Variants in SLC4A11 observed in about 807,000 individuals in gnomAD.
The protein encoded by SLC4A11 is bicarbonate transporter related protein 1.
In SLC4A11, 74 loss-of-function variants were observed where a neutral mutation model predicts 95.0. The observed-to-expected ratio is 0.78, with a 90% CI of 0.65 to 0.95. SLC4A11 has a LOEUF of 0.95. SLC4A11 is among the 40% of genes least tolerant of loss of function. SLC4A11 has a pLI of 0.00. For missense variants in SLC4A11, 1,081 were observed against 1,192.4 expected (o/e 0.91, Z 1.38); for synonymous variants, 548 against 519.0 (o/e 1.06, Z -0.76).
chr20:3,232,700 G>A (rs2067821086), intron 7 of SLC4A11, among the ~76,000 whole-genome samples: 1 of 152,186 alleles, frequency 6.6e-6, no homozygotes, highest in African/African-American at 2.4e-5. Flanking sequence ...GTGACAGAGT[G>A]AGACTCTGTC....
upstream of SLC4A11, chr20:3,239,267 A>C: frequency 3.3e-6 from 4 of 1,198,820 alleles, no homozygotes; most frequent in Non-Finnish European, 2.1e-6. Context: ...CTGGGTCCTA[A>C]TGCCGCTCAG....
Position 3,239,011 on chromosome 20 carries a change from G to A in SLC4A11, c.43+84C>T, listed in dbSNP as rs983986969. 9 of 1,419,202 alleles carry A rather than the reference G, an allele frequency of 6.3e-6. No individual in the cohort carries two copies. In the African/African-American group the frequency reaches 1.0e-4, roughly 17 times the overall value. The allele number at this position is 1,419,202 out of a possible 1,614,324, so 87.9% of individuals were successfully genotyped here. A position where few individuals can be genotyped will look rare whatever the true frequency, so the allele number is the denominator to read the frequency against. ...CGGCCCGCGCAGGCAGACGGCATCC[G>A]CGTTCTCCCCGGGGTCCCCGACGGG... On this transcript the variant is annotated intron_variant, in intron 1 of 19. Coordinates refer to ENST00000642402, the MANE Select transcript of SLC4A11 (RefSeq NM_001174089.2).
intron 2 of SLC4A11, among the ~76,000 whole-genome samples, chr20:3,237,163 G>A (rs2068007490): frequency 6.6e-6 from 1 of 152,216 alleles, no homozygotes; most frequent in Non-Finnish European, 1.5e-5. Context: ...CTGCAGCACA[G>A]AGGCCTTATA....
intron 7 of SLC4A11, among the ~76,000 whole-genome samples, chr20:3,232,437 C>T (rs566818635): frequency 5.3e-5 from 8 of 152,374 alleles, no homozygotes; most frequent in East Asian, 1.9e-4. Flanking sequence ...TGGTGGCTCA[C>T]GCCCATAATA....
intron 19 of SLC4A11, 41 bp from the exon 20 acceptor site, chr20:3,227,897 G>A (rs756054005): frequency 1.9e-6 from 3 of 1,597,396 alleles, no homozygotes; most frequent in African/African-American, 2.7e-5. Flanking sequence ...CTGGGTCAGA[G>A]AGAAGGCAGT....
chr20:3,229,308 AGC>A, intron 15 of SLC4A11, 36 bp downstream of exon 15: 1 of 1,612,756 alleles, frequency 6.2e-7, no homozygotes. Context: ...GCGCCTGGGG[AGC>A]TACCCCACGT....
chr20:3,233,316 G>A (rs1036221633), intron 7 of SLC4A11, among the ~76,000 whole-genome samples, 198 bp downstream of exon 7: 3 of 152,160 alleles, frequency 2.0e-5, no homozygotes, highest in African/African-American at 4.8e-5. Flanking sequence ...AAGGAAATAC[G>A]AACTTTTCGG....
Position 3,234,994 on chromosome 20 carries a change from C to T in SLC4A11, c.89-100G>A, listed in dbSNP as rs2067923744. 6.7e-7 allele frequency: 1 copy of T among 1,492,002 alleles called. No homozygotes were observed. Among genetic ancestry groups the T allele is most frequent in the Non-Finnish European group, 9.3e-7 (1 of 1,078,388 alleles). The allele number at this position is 1,492,002 out of a possible 1,614,324, so 92.4% of individuals were successfully genotyped here. ...GAGCAGGGACCCCTGGACTGTCCCA[C>T]TCTCGGGCCGTGGTGGGAGAGGCCA... On this transcript the variant is annotated intron_variant, in intron 2 of 19. Transcript: ENST00000642402. The surrounding 1 kb of genome is among the most constrained non-coding windows in gnomAD (Gnocchi z 5.8).
At chr20:3,238,138 C>G in intron 1 of SLC4A11, 1 of 1,447,268 alleles carries the variant, frequency 6.9e-7, no homozygotes, top group Non-Finnish European at 9.1e-7. Context: ...GGTCTCCAGT[C>G]CTGGGACCGC....
chr20:3,233,692 C>A, intron 6 of SLC4A11, 55 bp from the exon 7 acceptor site: 1 of 1,604,512 alleles, frequency 6.2e-7, no homozygotes, highest in Non-Finnish European at 8.5e-7. Flanking sequence ...AGCTGGGGCT[C>A]CCCGACCCAG....
At chr20:3,238,724 C>A in intron 1 of SLC4A11, 1 of 1,051,060 alleles carries the variant, frequency 9.5e-7, no homozygotes, top group Non-Finnish European at 1.1e-6. Flanking sequence ...ATGAGACCTT[C>A]CGAGGCGGCG....
upstream of SLC4A11, chr20:3,239,434 C>A (rs2068086850): frequency 1.9e-6 from 2 of 1,057,036 alleles, no homozygotes; most frequent in African/African-American, 3.4e-5. Flanking sequence ...CTCCTTCGAG[C>A]CTGTGCGCGC....
In SLC4A11 at chr20:3,229,762, A is replaced by C. The variant is rs2067689911; in HGVS notation, c.1504T>G (p.Tyr502Asp). The stretch of plus-strand genomic sequence containing the variant: ...TAGTCGTCCAAGTAATGCCCATAGT[A>C]GTACTTCCAGAAGACTGTGGACACA... ...KGTVKIFWKY[Y>D]YGHYLDDYHT... The change falls in exon 14 of 20, where the codon TAC becomes GAC. Residue 502 changes from tyrosine to aspartate, a missense_variant. Tyr to Asp is a radical substitution (Grantham distance 160). This residue lies in a region of SLC4A11 where 767 missense variants were observed against 858.0 expected (regional missense o/e 0.89). Coordinates refer to ENST00000642402, the MANE Select transcript of SLC4A11 (RefSeq NM_001174089.2). The C allele has an allele frequency of 1.2e-6, 2 of 1,613,800 alleles. No individual in the cohort carries two copies. Among genetic ancestry groups the C allele is most frequent in the African/African-American group, 2.7e-5 (2 of 74,926 alleles).
At chr20:3,238,143 G>C (rs1049184190) in intron 1 of SLC4A11, 3 of 1,446,292 alleles carry the variant, frequency 2.1e-6, no homozygotes, top group Middle Eastern at 5.2e-4. Context: ...CCAGTCCTGG[G>C]ACCGCGTCCC....
chr20:3,237,444 C>A, intron 2 of SLC4A11, 100 bp downstream of exon 2: 1 of 1,265,060 alleles, frequency 7.9e-7, no homozygotes, highest in Non-Finnish European at 1.2e-6. Context: ...CCCAGATAGG[C>A]GAGCAAAGCC....
Position 3,231,607 on chromosome 20 carries a change from C to T in SLC4A11, c.730-59G>A. ...CAGAGGAGGCCCTGCCCGGGCCGAG[C>T]AGGTGAAGGTGCTCTCCCCATGAAC... On this transcript the variant is annotated intron_variant, in intron 7 of 19. Coordinates refer to ENST00000642402, the MANE Select transcript of SLC4A11 (RefSeq NM_001174089.2). This position sits in a 1 kb window ranked among gnomAD's most constrained non-coding sequence, Gnocchi z 5.2. The T allele has an allele frequency of 1.3e-6, 2 of 1,526,994 alleles. No homozygotes were observed. Among genetic ancestry groups the T allele is most frequent in the Non-Finnish European group, 1.8e-6 (2 of 1,103,074 alleles). The allele number at this position is 1,526,994 out of a possible 1,614,324, so 94.6% of individuals were successfully genotyped here. A position where few individuals can be genotyped will look rare whatever the true frequency, so the allele number is the denominator to read the frequency against.
rs2067572644 is a variant in SLC4A11, at chr20:3,227,593, T to C, written c.*194A>G. On this transcript the variant is annotated 3_prime_UTR_variant, in exon 20 of 20. Coordinates refer to ENST00000642402, the MANE Select transcript of SLC4A11 (RefSeq NM_001174089.2). ...CTGAGCAACGCTCTTGGCCTAAAGC[T>C]AAAGGATAATGGGAGAGGGGTGGGC... 1 of 644,850 alleles carries C rather than the reference T, an allele frequency of 1.6e-6. No homozygotes were observed. The highest frequency in any genetic ancestry group is 2.8e-6 in the Non-Finnish European group (1 of 358,792). 39.9% of individuals were successfully genotyped at this position (644,850 alleles called of 1,614,324 possible).
At chr20:3,238,170 G>C in intron 1 of SLC4A11, 1 of 1,442,192 alleles carries the variant, frequency 6.9e-7, no homozygotes, top group Non-Finnish European at 9.1e-7. Flanking sequence ...CTGGAAGCCA[G>C]AGCCGTTGGT....
chr20:3,238,559 C>T (rs2068063407), intron 1 of SLC4A11: 1 of 990,790 alleles, frequency 1.0e-6, no homozygotes, highest in South Asian at 4.7e-5. Flanking sequence ...TGGGTCCTGG[C>T]GGGGACCCAG....
Sources: allele counts gnomAD v4.1 joint callset (sites outside exome capture counted in the v4.1 genomes callset), GRCh38; gene constraint gnomAD v4.1.1; regional missense constraint gnomAD v4.1.1; non-coding constraint Gnocchi (gnomAD v3.1); transcripts MANE v1.5; gene names NCBI Gene and HGNC (gene_info 2026-07-23, HGNC 2026-07-21).